Variants in PSD3 observed in about 807,000 individuals in gnomAD.
PSD3 encodes pleckstrin and Sec7 domain containing 3.
PSD3 carries 49 observed loss-of-function variants against 105.5 expected under a neutral mutation model. The ratio of observed to expected loss-of-function variants is 0.46; its 90% CI spans 0.37 to 0.59. The LOEUF is 0.59. Ranked by LOEUF, PSD3 falls within the 20% of genes least tolerant of loss-of-function variation. PSD3 has a pLI of 0.00. For synonymous variants in PSD3, 557 were observed against 457.8 expected (o/e 1.22, Z -2.77); for missense variants, 1,561 against 1,263.8 (o/e 1.24, Z -3.57).
chr8:19,063,610 C>G (rs79898402), intron 1 of PSD3, among the ~76,000 whole-genome samples: 1 of 152,122 alleles, frequency 6.6e-6, no homozygotes, highest in East Asian at 1.9e-4. Flanking sequence ...ATATTAATAG[C>G]ATGTCTGGAG....
chr8:18,841,202 A>G (rs1352756379), intron 4 of PSD3, among the ~76,000 whole-genome samples: 1 of 152,222 alleles, frequency 6.6e-6, no homozygotes, highest in Admixed American at 6.5e-5. Flanking sequence ...TGGATGGCTT[A>G]GCAGACTGCT....
intron 1 of PSD3, among the ~76,000 whole-genome samples, chr8:19,042,157 A>G (rs117933966): frequency 4.8e-4 from 73 of 152,340 alleles, no homozygotes; most frequent in Non-Finnish European, 8.5e-4. Context: ...GTTACATAAT[A>G]AAAGGGAAGG....
chr8:18,585,286 G>T (rs11780441), intron 12 of PSD3, among the ~76,000 whole-genome samples: 6,111 of 152,220 alleles, frequency 0.04, 175 homozygotes, highest in East Asian at 0.11. Context: ...TGTGAAAAGG[G>T]AGGAAAATAA....
chr8:18,661,812 C>A (rs1211612175), intron 9 of PSD3, among the ~76,000 whole-genome samples: 1 of 152,152 alleles, frequency 6.6e-6, no homozygotes, highest in African/African-American at 2.4e-5. Context: ...GAAGTACATA[C>A]AGAAGATGAG....
intron 8 of PSD3, 63 bp from the exon 9 acceptor site, chr8:18,765,601 A>G: frequency 3.1e-6 from 4 of 1,294,794 alleles, no homozygotes; most frequent in Non-Finnish European, 4.5e-6. Context: ...ATTCATAAAT[A>G]TATGATGAGG....
chr8:19,034,134 G>A (rs1411714996), intron 1 of PSD3, among the ~76,000 whole-genome samples: 2 of 152,218 alleles, frequency 1.3e-5, no homozygotes, highest in African/African-American at 4.8e-5. Context: ...AAACCTGGCA[G>A]AGACTGGGGC....
Position 19,013,597 on chromosome 8 carries a change from C to G in PSD3, c.-14G>C. The G allele has an allele frequency of 6.8e-7, 1 of 1,469,522 alleles. No individual in the cohort carries two copies. The highest frequency in any genetic ancestry group is 9.0e-7 in the Non-Finnish European group (1 of 1,116,930). The allele number at this position is 1,469,522 out of a possible 1,614,324, so 91.0% of individuals were successfully genotyped here. ...CCTTCCTTCCATCTTCCATCGCCAG[C>G]CCGGCCGCGCGCCGAAACCGCCGCC... On this transcript the variant is annotated 5_prime_UTR_variant, in exon 1 of 16. Coordinates refer to ENST00000327040, the MANE Select transcript of PSD3 (RefSeq NM_015310.4).
At chr8:18,544,939 T>C (rs1800368837) in intron 15 of PSD3, among the ~76,000 whole-genome samples, 1 of 152,150 alleles carries the variant, frequency 6.6e-6, no homozygotes, top group Admixed American at 6.6e-5. Flanking sequence ...GGCCCTGCTA[T>C]TCCTTTCCTC....
At chr8:18,716,392 T>C (rs1802601103) in intron 9 of PSD3, among the ~76,000 whole-genome samples, 1 of 152,278 alleles carries the variant, frequency 6.6e-6, no homozygotes, top group Non-Finnish European at 1.5e-5. Flanking sequence ...AATGCCTCTA[T>C]GAAAACACAA....
chr8:18,620,508 G>C (rs1280576808), intron 11 of PSD3, among the ~76,000 whole-genome samples: 1 of 152,004 alleles, frequency 6.6e-6, no homozygotes, highest in Non-Finnish European at 1.5e-5. Context: ...CCAGTAGTTT[G>C]AGGCCAGCCT....
chr8:18,614,290 A>G (rs1249163240), intron 11 of PSD3, among the ~76,000 whole-genome samples: 1 of 152,068 alleles, frequency 6.6e-6, no homozygotes, highest in Non-Finnish European at 1.5e-5. Context: ...GAAGGCAAGT[A>G]CGTTGGTTTG....
At chr8:18,788,624 C>T (rs1809410212) in intron 8 of PSD3, among the ~76,000 whole-genome samples, 1 of 152,130 alleles carries the variant, frequency 6.6e-6, no homozygotes, top group Admixed American at 6.5e-5. Flanking sequence ...GGTCTGGAAG[C>T]TTTGCGGAAA....
chr8:19,080,256 A>G (rs1261645427), intron 1 of PSD3, among the ~76,000 whole-genome samples: 1 of 152,190 alleles, frequency 6.6e-6, no homozygotes, highest in Non-Finnish European at 1.5e-5. Context: ...TCATAGATGC[A>G]TAGGTATTAT....
intron 1 of PSD3, among the ~76,000 whole-genome samples, chr8:18,963,209 A>G (rs1320994214): frequency 2.0e-5 from 3 of 152,150 alleles, no homozygotes; most frequent in African/African-American, 7.2e-5. Context: ...TGATTCAATG[A>G]TCTCCCACCA....
intron 9 of PSD3, among the ~76,000 whole-genome samples, chr8:18,661,060 T>C (rs1250344968): frequency 6.6e-6 from 1 of 152,226 alleles, no homozygotes; most frequent in Non-Finnish European, 1.5e-5. Flanking sequence ...CTCTGAAGCT[T>C]TTCTACATTA....
rs1181398446 is a variant in PSD3 at position 18,872,226 on chromosome 8, A to G, written c.638T>C (p.Ile213Thr). The G allele has an allele frequency of 6.2e-7, 1 of 1,614,202 alleles. No individual in the cohort carries two copies. The highest frequency in any genetic ancestry group is 1.7e-5 in the Admixed American group (1 of 60,028). The part of the protein sequence containing the change: ...VTTEESFYLS[I>T]QKDLTALLTG... ...TAACAGCGCGGTGAGATCTTTCTGG[A>G]TGCTCAAATAAAAACTTTCCTCCGT... The change falls in exon 3 of 16, where the codon ATC becomes ACC. Residue 213 changes from isoleucine to threonine, a missense_variant. Ile to Thr is a moderately conservative substitution (Grantham distance 89). Coordinates refer to ENST00000327040, the MANE Select transcript of PSD3 (RefSeq NM_015310.4).
intron 4 of PSD3, among the ~76,000 whole-genome samples, chr8:18,865,582 A>C (rs992781300): frequency 6.6e-6 from 1 of 151,966 alleles, no homozygotes; most frequent in African/African-American, 2.4e-5. Flanking sequence ...ATAACACAAA[A>C]TGGGGGAGTC....
At chr8:18,752,509 TA>T (rs386412225) in intron 9 of PSD3, among the ~76,000 whole-genome samples, 781 of 69,518 alleles carry the variant, frequency 0.011, 27 homozygotes, top group African/African-American at 0.04. Flanking sequence ...ATAATATATA[TA>T]ATATATGTAA....
intron 9 of PSD3, among the ~76,000 whole-genome samples, chr8:18,745,123 G>T (rs1217531188): frequency 6.6e-6 from 1 of 152,134 alleles, no homozygotes; most frequent in African/African-American, 2.4e-5. Flanking sequence ...GGTTAAGGTG[G>T]TATCTTTCAC....
Sources: allele counts gnomAD v4.1 joint callset (sites outside exome capture counted in the v4.1 genomes callset), GRCh38; gene constraint gnomAD v4.1.1; transcripts MANE v1.5; gene names NCBI Gene and HGNC (gene_info 2026-07-23, HGNC 2026-07-21).